Variants in TPTE observed in about 807,000 individuals in gnomAD.
TPTE encodes the protein putative tyrosine-protein phosphatase TPTE.
A neutral mutation model predicts 84.1 loss-of-function variants in TPTE; 59 were observed. The observed-to-expected ratio is 0.70, with a 90% CI of 0.57 to 0.87. The LOEUF (loss-of-function observed/expected upper bound fraction) is 0.87, where lower values mean the gene tolerates loss of function less well. Ranked by LOEUF, TPTE falls within the 40% of genes least tolerant of loss-of-function variation. The pLI is 0.00. For missense variants in TPTE, 382 were observed against 659.6 expected (o/e 0.58, Z 4.61); for synonymous variants, 130 against 223.5 (o/e 0.58, Z 3.73).
intron 21 of TPTE, among the ~76,000 whole-genome samples, chr21:10,599,970 A>AT (rs1164466770): frequency 1.9e-4 from 29 of 152,220 alleles, no homozygotes; most frequent in Admixed American, 2.6e-4. Flanking sequence ...CAATCCCCCA[A>AT]TTTTTTTTAT....
chr21:10,574,466 A>G, intron 14 of TPTE, among the ~76,000 whole-genome samples: 1 of 152,310 alleles, frequency 6.6e-6, no homozygotes, highest in Non-Finnish European at 1.5e-5. Context: ...AGGAATTAAG[A>G]ACTAGGGCTA....
At chr21:10,551,948 G>A (rs1375350295) in intron 7 of TPTE, among the ~76,000 whole-genome samples, 1 of 152,310 alleles carries the variant, frequency 6.6e-6, no homozygotes, top group Non-Finnish European at 1.5e-5. Context: ...GGACCTGATG[G>A]CTTCACCACT....
intron 17 of TPTE, 147 bp from the exon 18 acceptor site, chr21:10,590,315 T>C (rs186841873): frequency 0.02 from 27,824 of 1,425,252 alleles, no homozygotes; most frequent in East Asian, 0.05. Context: ...GAGCCAAGAT[T>C]GTGCCACTGC....
At chr21:10,560,762 CTT>C (rs1271630423) in intron 9 of TPTE, among the ~76,000 whole-genome samples, 6 of 152,304 alleles carry the variant, frequency 3.9e-5, no homozygotes, top group South Asian at 2.1e-4. Flanking sequence ...ACTTTTCTCT[CTT>C]GAGGTGTTGG....
intron 17 of TPTE, among the ~76,000 whole-genome samples, chr21:10,585,207 A>C (rs2075340995): frequency 6.6e-6 from 1 of 152,278 alleles, no homozygotes; most frequent in Admixed American, 6.5e-5. Flanking sequence ...TCCAACCTGG[A>C]TGACAGAGTA....
At chr21:10,584,879 AGTGTGTGTGTGTGT>A (rs56198162) in intron 17 of TPTE, among the ~76,000 whole-genome samples, 6 of 148,744 alleles carry the variant, frequency 4.0e-5, no homozygotes, top group Admixed American at 2.0e-4. Context: ...ATGCTTTACG[AGTGTGTGTGTGTGT>A]GTGTGTGTGT....
chr21:10,556,813 T>C (rs1189504298), intron 8 of TPTE, among the ~76,000 whole-genome samples: 1 of 152,306 alleles, frequency 6.6e-6, no homozygotes, highest in Non-Finnish European at 1.5e-5. Context: ...CATTTTTTCA[T>C]GTGTCTGTTG....
intron 7 of TPTE, among the ~76,000 whole-genome samples, chr21:10,549,645 CA>C (rs59073771): frequency 0.22 from 30,801 of 142,898 alleles, 64 homozygotes; most frequent in African/African-American, 0.47. Context: ...CACAGACAGG[CA>C]AAAAAAGGAT....
intron 10 of TPTE, among the ~76,000 whole-genome samples, chr21:10,561,431 G>T (rs887190384): frequency 6.6e-6 from 1 of 151,854 alleles, no homozygotes; most frequent in Non-Finnish European, 1.5e-5. Flanking sequence ...GGCAGAAGTT[G>T]CATTGAGCCG....
chr21:10,579,215 T>G (rs2075225038), intron 17 of TPTE, among the ~76,000 whole-genome samples: 1 of 152,306 alleles, frequency 6.6e-6, no homozygotes, highest in African/African-American at 2.4e-5. Context: ...TAACTGAAAT[T>G]TTGCATCCTT....
intron 10 of TPTE, among the ~76,000 whole-genome samples, chr21:10,566,848 G>T (rs1284634910): frequency 6.6e-6 from 1 of 152,304 alleles, no homozygotes; most frequent in East Asian, 1.9e-4. Flanking sequence ...GTGGTGCCGG[G>T]CACCTGTAAT....
rs2074170030 is a variant in TPTE at position 10,531,075 on chromosome 21, C to T, written c.-44+3663C>T. Among the ~76,000 whole-genome samples, 4 of 152,428 alleles carry T rather than the reference C, an allele frequency of 2.6e-5. No individual in the cohort carries two copies. In the Middle Eastern group the frequency reaches 0.01, roughly 389 times the overall value. On this transcript the variant is annotated intron_variant, in intron 3 of 23. Coordinates refer to ENST00000618007, the MANE Select transcript of TPTE (RefSeq NM_199261.4). ...ATTTTAGAATAAGTTAATCAAATTT[C>T]TTTTAAAATTATGTTTAATTTTCAA...
intron 3 of TPTE, among the ~76,000 whole-genome samples, chr21:10,537,951 A>G (rs1197441965): frequency 3.3e-5 from 5 of 152,300 alleles, no homozygotes; most frequent in South Asian, 2.1e-4. Flanking sequence ...TCTTGAATGA[A>G]TTTAGATAAA....
At chr21:10,545,263 C>A (rs1475490124) in intron 7 of TPTE, among the ~76,000 whole-genome samples, 1 of 150,188 alleles carries the variant, frequency 6.7e-6, no homozygotes, top group Non-Finnish European at 1.5e-5. Context: ...TGAAGTAATA[C>A]AGAACTGCAC....
intron 3 of TPTE, among the ~76,000 whole-genome samples, chr21:10,532,507 T>TA (rs1310324978): frequency 1.3e-5 from 2 of 152,258 alleles, no homozygotes. Flanking sequence ...GACTTATGCT[T>TA]ACCTCCTTAT....
chr21:10,599,651 T>G (rs561347905), intron 21 of TPTE, among the ~76,000 whole-genome samples: 15 of 152,414 alleles, frequency 9.8e-5, no homozygotes, highest in Admixed American at 3.3e-4. Context: ...TTCAACAACG[T>G]CACTCTTATT....
intron 19 of TPTE, among the ~76,000 whole-genome samples, chr21:10,595,569 T>C (rs531780072): frequency 6.6e-6 from 1 of 152,428 alleles, no homozygotes; most frequent in African/African-American, 2.4e-5. Flanking sequence ...GGTTTGGAGG[T>C]ATTCCTCTGG....
At chr21:10,589,603 A>C (rs1439622486) in intron 17 of TPTE, among the ~76,000 whole-genome samples, 1 of 152,308 alleles carries the variant, frequency 6.6e-6, no homozygotes, top group African/African-American at 2.4e-5. Flanking sequence ...TCCCCCACAA[A>C]GTCTCCAAGT....
At position 10,570,541 on chromosome 21, in the gene TPTE, C is replaced by G; in HGVS notation, c.787C>G (p.Pro263Ala). The change falls in exon 14 of 24, where the codon CCA (proline) becomes GCA (alanine). Residue 263 changes from proline to alanine, a missense_variant. Coordinates refer to ENST00000618007, the MANE Select transcript of TPTE (RefSeq NM_199261.4). ...TGGAAGGCAGTCTTTCTATAGAAATCCAATCAAGGTAAGGGTCTTTATCTG... is the reference window on the plus strand; with the variant it reads ...TGGAAGGCAGTCTTTCTATAGAAATGCAATCAAGGTAAGGGTCTTTATCTG... ...SSGRQSFYRNPIKEVVRFLDK... is the reference protein window; with the variant it reads ...SSGRQSFYRNAIKEVVRFLDK... The G allele has an allele frequency of 6.2e-7, 1 of 1,614,122 alleles. No homozygotes were observed. Among genetic ancestry groups the G allele is most frequent in the East Asian group, 2.2e-5 (1 of 44,860 alleles).
Sources: gnomAD v4.1 joint callset for allele counts (sites outside exome capture counted in the v4.1 genomes callset) on GRCh38, gnomAD v4.1.1 for gene constraint, MANE v1.5 for transcripts, NCBI Gene and HGNC (gene_info 2026-07-23, HGNC 2026-07-21) for gene names.